The following TRAF4 variants were observed in gnomAD, a reference collection of about 807,000 sequenced individuals.
The protein encoded by TRAF4 is TNF receptor-associated factor 4.
Under a neutral mutation model 47.3 loss-of-function variants are expected in TRAF4, and 9 were observed. The observed-to-expected ratio is 0.19, with a 90% CI of 0.11 to 0.33. The LOEUF (loss-of-function observed/expected upper bound fraction) is 0.33, where lower values mean the gene tolerates loss of function less well. Ranked by LOEUF, TRAF4 falls within the 10% of genes least tolerant of loss-of-function variation. TRAF4 has a pLI of 1.00. For synonymous variants in TRAF4, 236 were observed against 236.9 expected, an observed-to-expected ratio of 1.00 and a Z score of 0.04; for missense variants, 448 against 620.3, an observed-to-expected ratio of 0.72 and a Z score of 2.95.
Position 28,749,883 on chromosome 17 carries a change from C to T in TRAF4, c.*306C>T, listed in dbSNP as rs2034576551. ...CACTCTACACGGACTGAGGTGCCTG[C>T]TCAGGTGCTATGTCCCAAGAGCCAT... is the stretch of plus-strand genomic sequence containing the variant. On this transcript the variant is annotated 3_prime_UTR_variant, in exon 7 of 7. Transcript: ENST00000262395. 1 of 702,180 alleles carries T rather than the reference C, an allele frequency of 1.4e-6. No individual in the cohort carries two copies. Among genetic ancestry groups the T allele is most frequent in the Non-Finnish European group, 2.6e-6 (1 of 385,758 alleles). The allele number at this position is 702,180 out of a possible 1,614,324, so 43.5% of individuals were successfully genotyped here. A position where few individuals can be genotyped will look rare whatever the true frequency, so the allele number is the denominator to read the frequency against.
At position 28,750,243 on chromosome 17, in the gene TRAF4, A is replaced by T. The variant is rs1254521014; in HGVS notation, c.*666A>T. ...CTCTGATGGACGCCGGGAAAACTGC[A>T]TCGGGCTTTGTGTGGAAGACGGTCC... On this transcript the variant is annotated 3_prime_UTR_variant, in exon 7 of 7. Transcript: ENST00000262395. 3.3e-6 allele frequency: 1 copy of T among 299,104 alleles called. No homozygotes were observed. The highest frequency in any genetic ancestry group is 2.2e-5 in the African/African-American group (1 of 45,720). The allele number at this position is 299,104 out of a possible 1,614,324, so 18.5% of individuals were successfully genotyped here. A position where few individuals can be genotyped will look rare whatever the true frequency, so the allele number is the denominator to read the frequency against.
rs2034522982 is a variant in TRAF4 at position 28,746,963 on chromosome 17, G to A, written c.144-250G>A. The A allele has an allele frequency of 1.0e-5, 4 of 393,438 alleles. No individual in the cohort carries two copies. In the East Asian group the frequency reaches 1.2e-4, roughly 11 times the overall value. The allele number at this position is 393,438 out of a possible 1,614,324, so 24.4% of individuals were successfully genotyped here. On this transcript the variant is annotated intron_variant, in intron 1 of 6. Coordinates refer to ENST00000262395, the MANE Select transcript of TRAF4 (RefSeq NM_004295.4). ...AGGGGGTGCCAGCTGCCACCTGTTGGCCAAGTCCTGACTGAGGCAGCTGTC... is the reference window on the plus strand; with the variant it reads ...AGGGGGTGCCAGCTGCCACCTGTTGACCAAGTCCTGACTGAGGCAGCTGTC...
intron 3 of TRAF4, 28 bp from the exon 4 acceptor site, chr17:28,747,989 C>T: frequency 6.2e-7 from 1 of 1,614,146 alleles, no homozygotes; most frequent in Non-Finnish European, 8.5e-7. Context: ...TCTCCCTTGG[C>T]AGGCACTAAT....
chr17:28,748,266 A>G lies in TRAF4; in HGVS notation c.467A>G (p.His156Arg). ...CAGCACCTCTGACATTTCCAGAGCC[A>G]TGAGGGTATGTGCCCCCAGGAGAGT... ...CDFSGEAYES[H>R]EGMCPQESVY... Residue 156 changes from histidine (H) to arginine (R), a missense_variant, in exon 5 of 7, where the codon CAT becomes CGT. By Grantham distance (29) the His-to-Arg change is conservative. Transcript: ENST00000262395. 6.2e-7 allele frequency: 1 copy of G among 1,612,914 alleles called. No individual in the cohort carries two copies.
chr17:28,749,709 C>G lies in TRAF4; in HGVS notation c.*132C>G. On this transcript the variant is annotated 3_prime_UTR_variant, in exon 7 of 7. Transcript: ENST00000262395. The stretch of plus-strand genomic sequence containing the variant: ...GGTTCTGTTACCCCATCCTCCCTCC[C>G]CCAGCCACCACCCTCAGGTGCCTCC... 1.4e-6 allele frequency: 2 copies of G among 1,446,976 alleles called. No homozygotes were observed. Among genetic ancestry groups the G allele is most frequent in the Non-Finnish European group, 1.9e-6 (2 of 1,064,640 alleles). The allele number at this position is 1,446,976 out of a possible 1,614,324, so 89.6% of individuals were successfully genotyped here.
At position 28,749,724 on chromosome 17, in the gene TRAF4, C is replaced by CA; in HGVS notation, c.*148dup. 3 of 1,340,924 alleles carry CA rather than the reference C, an allele frequency of 2.2e-6. No homozygotes were observed. Among genetic ancestry groups the CA allele is most frequent in the Non-Finnish European group, 3.1e-6 (3 of 968,666 alleles). 83.1% of individuals were successfully genotyped at this position (1,340,924 alleles called of 1,614,324 possible). ...TCCTCCCTCCCCCAGCCACCACCCT[C>CA]AGGTGCCTCCAATTGGTGCTTCAGC... is the stretch of plus-strand genomic sequence containing the variant. On this transcript the variant is annotated 3_prime_UTR_variant, in exon 7 of 7. Coordinates refer to ENST00000262395, the MANE Select transcript of TRAF4 (RefSeq NM_004295.4).
chr17:28,749,358 G>A lies in TRAF4; in HGVS notation c.1194G>A (p.Leu398=). Residue 398 remains leucine, a synonymous_variant, in exon 7 of 7, where the codon CTG becomes CTA. Transcript: ENST00000262395. The stretch of plus-strand genomic sequence containing the variant: ...TGCTGGATCAGAGCGACCCTGGGCT[G>A]GCTAAACCACAGCACGTCACTGAGA... ...FSLLDQSDPG[L]AKPQHVTETF... 4 of 1,614,038 alleles carry A rather than the reference G, an allele frequency of 2.5e-6. No individual in the cohort carries two copies. Among genetic ancestry groups the A allele is most frequent in the Non-Finnish European group, 3.4e-6 (4 of 1,180,038 alleles).
At position 28,744,265 on chromosome 17, in the gene TRAF4, G is replaced by A. The variant is rs769158365; in HGVS notation, c.143+10G>A. On this transcript the variant is annotated intron_variant, in intron 1 of 6. Coordinates refer to ENST00000262395, the MANE Select transcript of TRAF4 (RefSeq NM_004295.4). ...TGCAGGAGTTCCTCAGGTGCTGGCC[G>A]GGGAGCAGGGGACAGCGGGGGCGGG... is the stretch of plus-strand genomic sequence containing the variant. 5 of 1,583,906 alleles carry A rather than the reference G, an allele frequency of 3.2e-6. No homozygotes were observed. The highest frequency in any genetic ancestry group is 1.7e-5 in the Admixed American group (1 of 58,880).
intron 1 of TRAF4, chr17:28,745,621 T>G (rs1428823426): frequency 7.7e-6 from 1 of 130,048 alleles, no homozygotes. Flanking sequence ...CCTCCCCCCA[T>G]CCTGTCTTCT....
rs2034548804 is a variant in TRAF4 at position 28,748,368 on chromosome 17, A to G, written c.569A>G (p.Lys190Arg). The stretch of plus-strand genomic sequence containing the variant: ...CAGCATGCCACCTCTGAGTGCCCCA[A>G]GCGCACTCAGCCCTGCACCTACTGC... ...LAQHATSECP[K>R]RTQPCTYCTK... The change falls in exon 5 of 7, where the codon AAG (lysine) becomes AGG (arginine). Residue 190 changes from lysine to arginine, a missense_variant. Coordinates refer to ENST00000262395, the MANE Select transcript of TRAF4 (RefSeq NM_004295.4). 1.2e-6 allele frequency: 2 copies of G among 1,613,446 alleles called. No homozygotes were observed. Among genetic ancestry groups the G allele is most frequent in the Middle Eastern group, 1.6e-4 (1 of 6,084 alleles).
chr17:28,748,172 C>T lies in TRAF4; in HGVS notation c.456C>T (p.Ala152=), dbSNP rs1398053178. 1 of 1,613,944 alleles carries T rather than the reference C, an allele frequency of 6.2e-7. No homozygotes were observed. The highest frequency in any genetic ancestry group is 8.5e-7 in the Non-Finnish European group (1 of 1,180,002). Residue 152 remains alanine (A), a synonymous_variant, in exon 4 of 7, where the codon GCC becomes GCT. Transcript: ENST00000262395. ...EFCGCDFSGE[A]YESHEGMCPQ... ...GTGGCTGTGACTTCAGTGGGGAGGC[C>T]TATGAGGTGGGTGGGGTCTGGCTGA...
intron 1 of TRAF4, 117 bp from the exon 2 acceptor site, chr17:28,747,096 C>G: frequency 2.5e-6 from 3 of 1,182,474 alleles, no homozygotes; most frequent in Non-Finnish European, 3.6e-6. Flanking sequence ...TTTGTCTCAT[C>G]TAGGCTGGTT....
rs1163758221 is a variant in TRAF4, at chr17:28,749,625, C to A, written c.*48C>A. 5.0e-6 allele frequency: 8 copies of A among 1,585,918 alleles called. No homozygotes were observed. The South Asian group carries it at 5.8e-5, about 11-fold the overall frequency. On this transcript the variant is annotated 3_prime_UTR_variant, in exon 7 of 7. Coordinates refer to ENST00000262395, the MANE Select transcript of TRAF4 (RefSeq NM_004295.4). ...AAGGACGATGGGGCATGACCTCAGT[C>A]AGGCACTGGCTGAACTTGGAGAGGG...
At position 28,748,366 on chromosome 17, in the gene TRAF4, C is replaced by T. The variant is rs373259531; in HGVS notation, c.567C>T (p.Pro189=). Residue 189 remains proline, a synonymous_variant, in exon 5 of 7, where the codon CCC becomes CCT. Coordinates refer to ENST00000262395, the MANE Select transcript of TRAF4 (RefSeq NM_004295.4). ...LLAQHATSEC[P]KRTQPCTYCT... ...CCCAGCATGCCACCTCTGAGTGCCCCAAGCGCACTCAGCCCTGCACCTACT... is the reference window on the plus strand; with the variant it reads ...CCCAGCATGCCACCTCTGAGTGCCCTAAGCGCACTCAGCCCTGCACCTACT... 6.2e-7 allele frequency: 1 copy of T among 1,613,618 alleles called. No homozygotes were observed. The highest frequency in any genetic ancestry group is 8.5e-7 in the Non-Finnish European group (1 of 1,179,898).
intron 1 of TRAF4, 178 bp from the exon 2 acceptor site, chr17:28,747,035 G>T: frequency 1.8e-6 from 1 of 566,412 alleles, no homozygotes; most frequent in Non-Finnish European, 3.0e-6. Context: ...CAGGGGCTGG[G>T]GTCTTCTGGG....
Position 28,748,121 on chromosome 17 carries a change from C to T in TRAF4, c.405C>T (p.Pro135=), listed in dbSNP as rs2151738827. The T allele has an allele frequency of 3.7e-6, 6 of 1,614,070 alleles. No homozygotes were observed. The highest frequency in any genetic ancestry group is 5.1e-6 in the Non-Finnish European group (6 of 1,180,042). Reference sequence around the variant, plus strand: ...CTGCACACTTGCAGCATGACTGCCCCAAGCGGCGCCTCAAGTGCGAGTTTT... The same window carrying T: ...CTGCACACTTGCAGCATGACTGCCCTAAGCGGCGCCTCAAGTGCGAGTTTT... ...DLPAHLQHDC[P]KRRLKCEFCG... Residue 135 remains proline (P), a synonymous_variant, in exon 4 of 7, where the codon CCC becomes CCT. Transcript: ENST00000262395.
At chr17:28,748,750 G>T in intron 6 of TRAF4, 84 bp downstream of exon 6, 1 of 1,561,580 alleles carries the variant, frequency 6.4e-7, no homozygotes, top group African/African-American at 1.3e-5. Flanking sequence ...TTAGGCCTTG[G>T]TGGTCCCTGC....
At chr17:28,744,767 A>G (rs1330879907) in intron 1 of TRAF4, 1 of 157,488 alleles carries the variant, frequency 6.3e-6, no homozygotes, top group East Asian at 1.9e-4. Flanking sequence ...TAAAGGCTTA[A>G]CTAGGATTTA....
chr17:28,749,068 C>T lies in TRAF4; in HGVS notation c.904C>T (p.Leu302=). 1.9e-6 allele frequency: 3 copies of T among 1,614,002 alleles called. No individual in the cohort carries two copies. Among genetic ancestry groups the T allele is most frequent in the South Asian group, 1.1e-5 (1 of 91,090 alleles). The part of the protein sequence containing the change: ...LQELRRELEE[L]SVGSDGVLIW... ...GGAGCTTCGGCGAGAGCTGGAGGAG[C>T]TATCAGTGGGCAGTGATGGCGTGCT... Residue 302 remains leucine, a synonymous_variant, in exon 7 of 7, where the codon CTA becomes TTA. Coordinates refer to ENST00000262395, the MANE Select transcript of TRAF4 (RefSeq NM_004295.4).
Sources: allele counts gnomAD v4.1 joint callset, GRCh38; gene constraint gnomAD v4.1.1; transcripts MANE v1.5; gene names NCBI Gene and HGNC (gene_info 2026-07-23, HGNC 2026-07-21).